The following TCEAL5 variants were observed in gnomAD, a reference collection of about 807,000 sequenced individuals.
TCEAL5 encodes transcription elongation factor A like 5.
For missense variants in TCEAL5, 111 were observed against 158.1 expected (o/e 0.70, Z 1.60); for synonymous variants, 65 against 61.2 (o/e 1.06, Z -0.29).
chrX:103,274,074 T>C lies in TCEAL5; in HGVS notation c.490A>G (p.Lys164Glu), dbSNP rs199978150. Residue 164 changes from lysine (K) to glutamate (E), a missense_variant, in exon 3 of 3, where the codon AAA (lysine) becomes GAA (glutamate). Lys to Glu is a moderately conservative substitution (Grantham distance 56). Coordinates refer to ENST00000372680, the MANE Select transcript of TCEAL5 (RefSeq NM_001012979.3). ...TGCATCCAATGAAAACCACCCATTT[T>C]CTGTTTTTTCCTTAGCTCCTCCTGA... Reference protein sequence around the residue: ...RAQEELRKKQKMGGFHWMQRD... With the variant: ...RAQEELRKKQEMGGFHWMQRD... The C allele has an allele frequency of 1.7e-6, 2 of 1,210,299 alleles. No individual in the cohort carries two copies. The highest frequency in any genetic ancestry group is 2.2e-6 in the Non-Finnish European group (2 of 895,330).
chrX:103,274,384 T>C lies in TCEAL5; in HGVS notation c.180A>G (p.Pro60=). 8.3e-7 allele frequency: 1 copy of C among 1,211,575 alleles called. No homozygotes were observed. Residue 60 remains proline (P), a synonymous_variant, in exon 3 of 3, where the codon CCA becomes CCG. Transcript: ENST00000372680. ...CEGKREDEGE[P]GDEGQLEDEG... ...CATCTTCCAGTTGTCCCTCATCACC[T>C]GGCTCTCCCTCATCCTCTCGCTTTC... is the stretch of plus-strand genomic sequence containing the variant.
At position 103,274,079 on chromosome X, in the gene TCEAL5, T is replaced by C; in HGVS notation, c.485A>G (p.Lys162Arg). The stretch of plus-strand genomic sequence containing the variant: ...CCAATGAAAACCACCCATTTTCTGT[T>C]TTTTCCTTAGCTCCTCCTGAGCCCT... Reference protein sequence around the residue: ...VSRAQEELRKKQKMGGFHWMQ... With the variant: ...VSRAQEELRKRQKMGGFHWMQ... The change falls in exon 3 of 3, where the codon AAA becomes AGA. Residue 162 changes from lysine to arginine, a missense_variant. Transcript: ENST00000372680. The C allele has an allele frequency of 8.3e-7, 1 of 1,211,717 alleles. No individual in the cohort carries two copies. The highest frequency in any genetic ancestry group is 1.1e-6 in the Non-Finnish European group (1 of 895,557).
intron 1 of TCEAL5, among the ~76,000 whole-genome samples, chrX:103,275,919 C>T (rs1049465892): frequency 9.8e-5 from 11 of 112,577 alleles, no homozygotes; most frequent in Non-Finnish European, 1.5e-4. Context: ...AATCCTCCTA[C>T]TTCAGAAGCC....
In TCEAL5 at chrX:103,274,197, C is replaced by G; in HGVS notation, c.367G>C (p.Gly123Arg). 2 of 1,211,732 alleles carry G rather than the reference C, an allele frequency of 1.7e-6. No homozygotes were observed. Among genetic ancestry groups the G allele is most frequent in the Non-Finnish European group, 2.2e-6 (2 of 895,566 alleles). ...PRKAKRKTDR[G>R]TDDSPKDSQE... ...GAGTCCTTGGGGGAATCGTCCGTCC[C>G]CCTGTCGGTTTTTCTTTTTGCTTTC... The change falls in exon 3 of 3, where the codon GGG (glycine) becomes CGG (arginine). Residue 123 changes from glycine (G) to arginine (R), a missense_variant. Coordinates refer to ENST00000372680, the MANE Select transcript of TCEAL5 (RefSeq NM_001012979.3).
chrX:103,273,921 T>C lies in TCEAL5; in HGVS notation c.*22A>G, dbSNP rs758117428. On this transcript the variant is annotated 3_prime_UTR_variant, in exon 3 of 3. Transcript: ENST00000372680. Reference sequence around the variant, plus strand: ...ACTGGCAATATTCCCATCAGAGAAATCAGAATTAAAGGCCAAAGACATTAA... The same window carrying C: ...ACTGGCAATATTCCCATCAGAGAAACCAGAATTAAAGGCCAAAGACATTAA... 8.3e-7 allele frequency: 1 copy of C among 1,199,163 alleles called. No individual in the cohort carries two copies. The highest frequency in any genetic ancestry group is 1.1e-6 in the Non-Finnish European group (1 of 888,199).
At chrX:103,275,649 G>A (rs1925544030) in intron 1 of TCEAL5, among the ~76,000 whole-genome samples, 1 of 111,305 alleles carries the variant, frequency 9.0e-6, no homozygotes, top group South Asian at 3.8e-4. Flanking sequence ...TAGAGACAAG[G>A]ATGTTCTGAA....
At position 103,274,572 on chromosome X, in the gene TCEAL5, G is replaced by C; in HGVS notation, c.-9C>G. On this transcript the variant is annotated 5_prime_UTR_variant, in exon 3 of 3. Coordinates refer to ENST00000372680, the MANE Select transcript of TCEAL5 (RefSeq NM_001012979.3). Reference sequence around the variant, plus strand: ...TTGTAGAGCTTTTCCATGTTGAGATGTTCCCTTCTTTGCCTTTCCTAGGAG... The same window carrying C: ...TTGTAGAGCTTTTCCATGTTGAGATCTTCCCTTCTTTGCCTTTCCTAGGAG... 1 of 1,179,575 alleles carries C rather than the reference G, an allele frequency of 8.5e-7. No homozygotes were observed. The highest frequency in any genetic ancestry group is 1.1e-6 in the Non-Finnish European group (1 of 883,097).
intron 2 of TCEAL5, 145 bp from the exon 3 acceptor site, chrX:103,274,735 C>T (rs998752673): frequency 6.9e-6 from 4 of 577,214 alleles, no homozygotes; most frequent in Non-Finnish European, 5.2e-6. Flanking sequence ...TCCTTCCTTT[C>T]CTTTTCACTT....
Position 103,274,868 on chromosome X carries a change from G to A in TCEAL5, c.-27-278C>T, listed in dbSNP as rs889692663. On this transcript the variant is annotated intron_variant, in intron 2 of 2. Transcript: ENST00000372680. ...GCCCTTAAACTTTGCTCTGGCCTTG[G>A]CTATGCCTACCCATACCAATTTTAA... 4.5e-5 allele frequency among the ~76,000 whole-genome samples: 5 copies of A among 112,008 alleles called. No individual in the cohort carries two copies. In the Admixed American group the frequency reaches 4.7e-4, roughly 11 times the overall value.
In TCEAL5 at chrX:103,274,459, C is replaced by G. The variant is rs1374836539; in HGVS notation, c.105G>C (p.Lys35Asn). 8.3e-7 allele frequency: 1 copy of G among 1,211,169 alleles called. No individual in the cohort carries two copies. Among genetic ancestry groups the G allele is most frequent in the East Asian group, 3.0e-5 (1 of 33,828 alleles). The change falls in exon 3 of 3, where the codon AAG becomes AAC. Residue 35 changes from lysine to asparagine, a missense_variant. Transcript: ENST00000372680. ...EDEGSTEDEG[K>N]SDEEEKPDME... ...TGTCCGGCTTTTCTTCCTCGTCTGA[C>G]TTTCCTTCATCTTCTGTACTTCCCT...
chrX:103,274,159 T>A lies in TCEAL5; in HGVS notation c.405A>T (p.Leu135Phe). The A allele has an allele frequency of 8.2e-7, 1 of 1,212,164 alleles. No individual in the cohort carries two copies. The highest frequency in any genetic ancestry group is 1.1e-6 in the Non-Finnish European group (1 of 895,645). Residue 135 changes from leucine (L) to phenylalanine (F), a missense_variant, in exon 3 of 3, where the codon TTA becomes TTT. By Grantham distance (22) the Leu-to-Phe change is conservative (BLOSUM62 0). Coordinates refer to ENST00000372680, the MANE Select transcript of TCEAL5 (RefSeq NM_001012979.3). ...CCTCACTGCTCAGATGCCTTTCTTGTAAGTCCTCCTGAGAGTCCTTGGGGG... is the reference window on the plus strand; with the variant it reads ...CCTCACTGCTCAGATGCCTTTCTTGAAAGTCCTCCTGAGAGTCCTTGGGGG... ...DDSPKDSQEDLQERHLSSEEM... is the reference protein window; with the variant it reads ...DDSPKDSQEDFQERHLSSEEM...
chrX:103,274,233 A>T lies in TCEAL5; in HGVS notation c.331T>A (p.Tyr111Asn), dbSNP rs986109034. The T allele has an allele frequency of 2.5e-6, 3 of 1,208,961 alleles. No homozygotes were observed. In the African/African-American group the frequency reaches 5.3e-5, roughly 21 times the overall value. ...TTTCTTTTTGCTTTCCGGGGCACAT[A>T]ATCTTCAGCCGGGCGCTTTTCGGCG... Reference protein sequence around the residue: ...RAAEKRPAEDYVPRKAKRKTD... With the variant: ...RAAEKRPAEDNVPRKAKRKTD... The change falls in exon 3 of 3, where the codon TAT (tyrosine) becomes AAT (asparagine). Residue 111 changes from tyrosine (Y) to asparagine (N), a missense_variant. Physicochemically the swap from Tyr to Asn is moderately radical, Grantham distance 143. Transcript: ENST00000372680.
At position 103,273,786 on chromosome X, in the gene TCEAL5, G is replaced by T; in HGVS notation, c.*157C>A. 1 of 746,900 alleles carries T rather than the reference G, an allele frequency of 1.3e-6. No homozygotes were observed. The highest frequency in any genetic ancestry group is 3.5e-5 in the East Asian group (1 of 28,620). 61.6% of individuals were successfully genotyped at this position (746,900 alleles called of 1,213,427 possible). ...TGAAAATCCTCTACTAAAAGACAGAGCACTGTAGTTGGGTCAAAAGTCTGC... is the reference window on the plus strand; with the variant it reads ...TGAAAATCCTCTACTAAAAGACAGATCACTGTAGTTGGGTCAAAAGTCTGC... On this transcript the variant is annotated 3_prime_UTR_variant, in exon 3 of 3. Coordinates refer to ENST00000372680, the MANE Select transcript of TCEAL5 (RefSeq NM_001012979.3).
rs769843570 is a variant in TCEAL5 at position 103,274,337 on chromosome X, C to T, written c.227G>A (p.Gly76Asp). Residue 76 changes from glycine to aspartate, a missense_variant, in exon 3 of 3, where the codon GGC becomes GAC. Gly to Asp is a moderately conservative substitution (Grantham distance 94). Transcript: ENST00000372680. ...TGGCTTGTCCTCACCTTCAGACTTG[C>T]CCTGCTTTTCCTGGTTTCCCTCATC... Reference protein sequence around the residue: ...LEDEGNQEKQGKSEGEDKPQS... With the variant: ...LEDEGNQEKQDKSEGEDKPQS... The T allele has an allele frequency of 3.3e-6, 4 of 1,211,501 alleles. No homozygotes were observed. In the Admixed American group the frequency reaches 8.7e-5, roughly 26 times the overall value.
intron 2 of TCEAL5, among the ~76,000 whole-genome samples, chrX:103,274,999 C>T (rs1250548721): frequency 9.0e-6 from 1 of 111,720 alleles, no homozygotes; most frequent in Non-Finnish European, 1.9e-5. Context: ...CAGAACAGAA[C>T]CATAGCCAGT....
rs142168370 is a variant in TCEAL5, at chrX:103,274,010, C to G, written c.554G>C (p.Arg185Pro). ...VQDPFAPRGQ[R>P]GVRGVRGGGR... ...TCCGCCCCTCACTCCCCTCACACCC[C>G]GTTGGCCCCTTGGGGCGAATGGATC... Residue 185 changes from arginine (R) to proline (P), a missense_variant, in exon 3 of 3, where the codon CGG (arginine) becomes CCG (proline). Arg to Pro is a moderately radical substitution (Grantham distance 103). Coordinates refer to ENST00000372680, the MANE Select transcript of TCEAL5 (RefSeq NM_001012979.3). 601 of 1,210,434 alleles carry G rather than the reference C, an allele frequency of 5.0e-4. 1 individual carries two copies. Among genetic ancestry groups the G allele is most frequent in the Non-Finnish European group, 6.6e-4 (588 of 895,367 alleles).
chrX:103,274,864 C>T (rs1350538068), intron 2 of TCEAL5, among the ~76,000 whole-genome samples: 2 of 112,060 alleles, frequency 1.8e-5, no homozygotes, highest in African/African-American at 3.2e-5. Flanking sequence ...TTGCTCTGGC[C>T]TTGGCTATGC....
chrX:103,274,417 TTC>T lies in TCEAL5; in HGVS notation c.145_146del (p.Glu49MetfsTer8). The T allele has an allele frequency of 1.7e-6, 2 of 1,211,599 alleles. No homozygotes were observed. ...EEKPDMEGKT[E>X]CEGKREDEGE... ...CCTCATCCTCTCGCTTTCCCTCGCA[TTC>T]TGTCTTCCCCTCCATGTCCGGCTTT... On this transcript the variant is annotated frameshift_variant, in exon 3 of 3. Transcript: ENST00000372680. LOFTEE classifies it low-confidence loss of function (END_TRUNC).
At chrX:103,274,709 A>T in intron 2 of TCEAL5, 119 bp from the exon 3 acceptor site, 2 of 680,966 alleles carry the variant, frequency 2.9e-6, no homozygotes, top group Non-Finnish European at 4.2e-6. Flanking sequence ...TTCCAGGTGC[A>T]CTCCCACCCT....
Sources: allele counts gnomAD v4.1 joint callset (sites outside exome capture counted in the v4.1 genomes callset), GRCh38; gene constraint gnomAD v4.1.1; transcripts MANE v1.5; gene names NCBI Gene and HGNC (gene_info 2026-07-23, HGNC 2026-07-21).